Variants in MINAR1 observed in about 807,000 individuals in gnomAD.
MINAR1 encodes the protein membrane integral NOTCH2 associated receptor 1.
A neutral mutation model predicts 65.1 loss-of-function variants in MINAR1; 40 were observed. The observed-to-expected ratio is 0.61, with a 90% CI of 0.48 to 0.80. The LOEUF is 0.80. Among genes scored for constraint, MINAR1 ranks in the 30% least tolerant of loss-of-function variants. The probability of loss-of-function intolerance (pLI) is 0.00; values close to 1 mark genes in which losing one functional copy is unlikely to be tolerated. For synonymous variants in MINAR1, 482 were observed against 449.1 expected, an observed-to-expected ratio of 1.07 and a Z score of -0.93; for missense variants, 1,128 against 1,148.0, an observed-to-expected ratio of 0.98 and a Z score of 0.25.
chr15:79,469,555 A>G lies in MINAR1; in HGVS notation c.*1171A>G, dbSNP rs1231755994. ...TATCTATATGTCTATCTATCTATCTATATGTCTATCTATCTATCTAAATAC... is the reference window on the plus strand; with the variant it reads ...TATCTATATGTCTATCTATCTATCTGTATGTCTATCTATCTATCTAAATAC... On this transcript the variant is annotated 3_prime_UTR_variant, in exon 4 of 4. Coordinates refer to ENST00000305428, the MANE Select transcript of MINAR1 (RefSeq NM_015206.3). The G allele has an allele frequency of 1.3e-5, 2 of 152,454 alleles. No homozygotes were observed. The highest frequency in any genetic ancestry group is 4.8e-5 in the African/African-American group (2 of 41,440). 9.4% of individuals were successfully genotyped at this position (152,454 alleles called of 1,614,324 possible). A position where few individuals can be genotyped will look rare whatever the true frequency, so the allele number is the denominator to read the frequency against.
upstream of MINAR1, among the ~76,000 whole-genome samples, chr15:79,430,708 C>T (rs1427217522): frequency 1.3e-5 from 2 of 152,080 alleles, no homozygotes; most frequent in East Asian, 1.9e-4. Flanking sequence ...ATCCGTTTGC[C>T]CTTACTAGAA....
chr15:79,446,760 T>C (rs934008802), intron 1 of MINAR1, among the ~76,000 whole-genome samples: 1 of 152,238 alleles, frequency 6.6e-6, no homozygotes, highest in Non-Finnish European at 1.5e-5. Context: ...TTATATATTA[T>C]CACTTTTATC....
chr15:79,453,772 T>G (rs1474950284), intron 1 of MINAR1, among the ~76,000 whole-genome samples: 1 of 152,232 alleles, frequency 6.6e-6, no homozygotes, highest in Non-Finnish European at 1.5e-5. Context: ...TGTACTTCTT[T>G]TATTCACTTC....
At chr15:79,411,503 A>T in the MINAR1 span, 1 of 702,020 alleles carries the variant, frequency 1.4e-6, no homozygotes, top group Non-Finnish European at 2.6e-6. Context: ...GCACCCTCCT[A>T]ACAGATTTTC....
intron 3 of MINAR1, 113 bp from the exon 4 acceptor site, chr15:79,468,074 T>TCTAA (rs1291980551): frequency 1.1e-5 from 9 of 801,594 alleles, no homozygotes; most frequent in Middle Eastern, 3.6e-4. Flanking sequence ...CAATACAGTC[T>TCTAA]CTAACTCCCA....
chr15:79,468,125 G>T, intron 3 of MINAR1, 62 bp from the exon 4 acceptor site: 1 of 1,368,652 alleles, frequency 7.3e-7, no homozygotes, highest in East Asian at 2.4e-5. Flanking sequence ...ATGACTGTCG[G>T]GACGTCTTTG....
At chr15:79,437,332 G>A (rs1037216384) in intron 1 of MINAR1, among the ~76,000 whole-genome samples, 1 of 151,970 alleles carries the variant, frequency 6.6e-6, no homozygotes, top group Non-Finnish European at 1.5e-5. Context: ...GTGATTGGGT[G>A]TGAGTGAGTA....
chr15:79,455,699 A>G (rs985353033), intron 1 of MINAR1, among the ~76,000 whole-genome samples: 12 of 152,172 alleles, frequency 7.9e-5, no homozygotes, highest in African/African-American at 2.9e-4. Flanking sequence ...ACGTCCTTGC[A>G]TGTACTAGTG....
upstream of MINAR1, among the ~76,000 whole-genome samples, chr15:79,428,389 T>C (rs1595922412): frequency 8.6e-5 from 7 of 81,502 alleles, no homozygotes; most frequent in South Asian, 6.1e-4. Context: ...CCCTCCCTCC[T>C]CTCCCTCTCT....
intron 1 of MINAR1, among the ~76,000 whole-genome samples, chr15:79,450,242 T>C (rs2141286796): frequency 6.6e-6 from 1 of 152,298 alleles, no homozygotes; most frequent in Middle Eastern, 3.4e-3. Flanking sequence ...TGTGGTCCCA[T>C]CCAGCCCGCT....
the MINAR1 span, chr15:79,411,626 A>T: frequency 6.3e-6 from 4 of 633,542 alleles, no homozygotes; most frequent in South Asian, 6.9e-5. Flanking sequence ...GTCCCCAGTG[A>T]CTCCAGGGGA....
the MINAR1 span, chr15:79,423,499 A>G: frequency 2.0e-5 from 3 of 152,300 alleles, no homozygotes; most frequent in African/African-American, 7.2e-5. Context: ...TTATTTAACA[A>G]TAACCGACAC....
In MINAR1 at chr15:79,463,269, A is replaced by T. The variant is rs2141303075; in HGVS notation, c.2501A>T (p.Glu834Val). Residue 834 changes from glutamate (E) to valine (V), a missense_variant, in exon 3 of 4, where the codon GAG becomes GTG. Physicochemically the swap from Glu to Val is moderately radical, Grantham distance 121. Transcript: ENST00000305428. The stretch of plus-strand genomic sequence containing the variant: ...GGCCAACCTTCTTGGACCATTGAGG[A>T]GTATGCACGGAATGCGGGCGACAAG... ...KRGQPSWTIEEYARNAGDKGK... is the reference protein window; with the variant it reads ...KRGQPSWTIEVYARNAGDKGK... The T allele has an allele frequency of 1.2e-6, 2 of 1,614,148 alleles. No homozygotes were observed. Among genetic ancestry groups the T allele is most frequent in the African/African-American group, 2.7e-5 (2 of 75,048 alleles).
intron 1 of MINAR1, among the ~76,000 whole-genome samples, chr15:79,439,149 TG>T (rs1894769949): frequency 6.5e-5 from 1 of 15,396 alleles, no homozygotes; most frequent in Non-Finnish European, 1.4e-4. Flanking sequence ...GGGTGGGTAG[TG>T]AGTGTGTGGG....
At chr15:79,465,968 C>CCTCTTCCTGACTGCTG (rs1417236646) in intron 3 of MINAR1, among the ~76,000 whole-genome samples, 1 of 152,058 alleles carries the variant, frequency 6.6e-6, no homozygotes, top group East Asian at 1.9e-4. Context: ...AAGAGGCGGT[C>CCTCTTCCTGACTGCTG]CAACAGTCAG....
chr15:79,467,237 G>T (rs1421500376), intron 3 of MINAR1, among the ~76,000 whole-genome samples: 1 of 152,186 alleles, frequency 6.6e-6, no homozygotes, highest in Non-Finnish European at 1.5e-5. Flanking sequence ...AATTTTTAAT[G>T]TGCCCATGTT....
chr15:79,467,744 AGAACTG>A (rs1269241167), intron 3 of MINAR1, among the ~76,000 whole-genome samples: 1 of 152,224 alleles, frequency 6.6e-6, no homozygotes, highest in Non-Finnish European at 1.5e-5. Flanking sequence ...CTGAGAAAGA[AGAACTG>A]ACTCAGAGTG....
chr15:79,431,969 C>T (rs1459742055), upstream of MINAR1, among the ~76,000 whole-genome samples: 1 of 152,192 alleles, frequency 6.6e-6, no homozygotes, highest in Admixed American at 6.5e-5. Flanking sequence ...GGACCGCCCC[C>T]TCGGTCCCCC....
chr15:79,447,975 T>C (rs1171117132), intron 1 of MINAR1, among the ~76,000 whole-genome samples: 1 of 152,172 alleles, frequency 6.6e-6, no homozygotes, highest in Non-Finnish European at 1.5e-5. Context: ...TATCCTAATC[T>C]ACCTTAGAAG....
Sources: allele counts gnomAD v4.1 joint callset (sites outside exome capture counted in the v4.1 genomes callset), GRCh38; gene constraint gnomAD v4.1.1; transcripts MANE v1.5; gene names NCBI Gene and HGNC (gene_info 2026-07-23, HGNC 2026-07-21).